The following JADE1 variants were observed in gnomAD, a reference collection of about 807,000 sequenced individuals.
JADE1 encodes jade family PHD finger 1.
Under a neutral mutation model 81.8 loss-of-function variants are expected in JADE1, and 14 were observed. The observed-to-expected ratio is 0.17, with a 90% CI of 0.11 to 0.27. The LOEUF (loss-of-function observed/expected upper bound fraction) is 0.27, where lower values mean the gene tolerates loss of function less well. JADE1 is among the 10% of genes least tolerant of loss of function. The pLI, the probability that JADE1 is intolerant of heterozygous loss-of-function variation, is 1.00. For synonymous variants in JADE1, 353 were observed against 391.9 expected, an observed-to-expected ratio of 0.90 and a Z score of 1.17; for missense variants, 690 against 1,047.9, an observed-to-expected ratio of 0.66 and a Z score of 4.71.
intron 2 of JADE1, 86 bp from the exon 3 acceptor site, chr4:128,842,867 G>T: frequency 8.8e-7 from 1 of 1,138,898 alleles, no homozygotes; most frequent in Non-Finnish European, 1.3e-6. Flanking sequence ...GTGAGCCTGG[G>T]ATGAGTTTGG....
chr4:128,850,561 C>T (rs1730266456), intron 5 of JADE1, among the ~76,000 whole-genome samples: 1 of 152,144 alleles, frequency 6.6e-6, no homozygotes, highest in African/African-American at 2.4e-5. Flanking sequence ...TCTTCTTGGT[C>T]CTGCTTTAGG....
In JADE1 at chr4:128,861,723, G is replaced by A. The variant is rs1282462259; in HGVS notation, c.1001G>A (p.Arg334His). 2 of 1,614,142 alleles carry A rather than the reference G, an allele frequency of 1.2e-6. No individual in the cohort carries two copies. Among genetic ancestry groups the A allele is most frequent in the South Asian group, 1.1e-5 (1 of 91,062 alleles). Residue 334 changes from arginine (R) to histidine (H), a missense_variant, in exon 9 of 11, where the codon CGC (arginine) becomes CAC (histidine). By Grantham distance (29) the Arg-to-His change is conservative. Around this residue, in one of 8 missense-constraint regions of JADE1, gnomAD observed 84 missense variants for 226.6 expected, o/e 0.37. Coordinates refer to ENST00000226319, the MANE Select transcript of JADE1 (RefSeq NM_199320.4). ...ASIQCSVKNC[R>H]TAFHVTCAFD... Reference sequence around the variant, plus strand: ...TGACAGTGCTCTGTGAAGAACTGCCGCACAGCCTTCCATGTGACCTGTGCT... The same window carrying A: ...TGACAGTGCTCTGTGAAGAACTGCCACACAGCCTTCCATGTGACCTGTGCT...
intron 5 of JADE1, among the ~76,000 whole-genome samples, chr4:128,849,522 C>G (rs1477453280): frequency 1.3e-5 from 2 of 152,198 alleles, no homozygotes; most frequent in Non-Finnish European, 2.9e-5. Flanking sequence ...TCCTGTGATG[C>G]CATTCGGATT....
chr4:128,855,858 G>A (rs1018891025), intron 7 of JADE1, 61 bp downstream of exon 7: 7 of 1,440,626 alleles, frequency 4.9e-6, no homozygotes, highest in East Asian at 2.4e-5. Context: ...TAACTCTGTC[G>A]CCCAGGCTGG....
At chr4:128,833,470 C>T (rs1728714685) in intron 2 of JADE1, among the ~76,000 whole-genome samples, 1 of 152,042 alleles carries the variant, frequency 6.6e-6, no homozygotes, top group Admixed American at 6.6e-5. Flanking sequence ...TTTGGGAGGC[C>T]GAGGTGGGTG....
chr4:128,813,023 T>C (rs1726621573), intron 1 of JADE1, among the ~76,000 whole-genome samples: 1 of 152,214 alleles, frequency 6.6e-6, no homozygotes, highest in Non-Finnish European at 1.5e-5. Flanking sequence ...GAAGGCTAGC[T>C]CTCTTGCTAC....
At position 128,809,758 on chromosome 4, in the gene JADE1, T is replaced by TGC. The variant is rs1427519675; in HGVS notation, c.-141_-140dup. 1.3e-5 allele frequency: 2 copies of TGC among 152,104 alleles called. No individual in the cohort carries two copies. The highest frequency in any genetic ancestry group is 4.8e-5 in the African/African-American group (2 of 41,408). 9.4% of individuals were successfully genotyped at this position (152,104 alleles called of 1,614,324 possible). A position where few individuals can be genotyped will look rare whatever the true frequency, so the allele number is the denominator to read the frequency against. ...CCTCCGTGCGCGAGTGCCCGGTGTG[T>TGC]GCGCGCCGGCGAGAGCAGGGGCCCG... On this transcript the variant is annotated 5_prime_UTR_variant, in exon 1 of 11. Coordinates refer to ENST00000226319, the MANE Select transcript of JADE1 (RefSeq NM_199320.4).
chr4:128,863,979 C>T, intron 9 of JADE1: 2 of 985,328 alleles, frequency 2.0e-6, no homozygotes, highest in African/African-American at 3.5e-5. Context: ...ACATGCACTT[C>T]TAATTCTAAA....
At position 128,871,002 on chromosome 4, in the gene JADE1, C is replaced by T. The variant is rs1732152656; in HGVS notation, c.1622-353C>T. 6.6e-6 allele frequency among the ~76,000 whole-genome samples: 1 copy of T among 152,142 alleles called. No individual in the cohort carries two copies. Among genetic ancestry groups the T allele is most frequent in the Non-Finnish European group, 1.5e-5 (1 of 68,038 alleles). ...GCGCGGCGCAGGTGCTGCTCTGTAA[C>T]CAGGTAGAGGGAGCAGAGGCAGCCA... is the stretch of plus-strand genomic sequence containing the variant. On this transcript the variant is annotated intron_variant, in intron 10 of 10. Coordinates refer to ENST00000226319, the MANE Select transcript of JADE1 (RefSeq NM_199320.4). This position sits in a 1 kb window ranked among gnomAD's most constrained non-coding sequence, Gnocchi z 4.1.
chr4:128,846,660 G>A lies in JADE1; in HGVS notation c.296+128G>A, dbSNP rs1729897322. 1.0e-6 allele frequency: 1 copy of A among 953,736 alleles called. No homozygotes were observed. The highest frequency in any genetic ancestry group is 1.5e-6 in the Non-Finnish European group (1 of 652,098). The allele number at this position is 953,736 out of a possible 1,614,324, so 59.1% of individuals were successfully genotyped here. The stretch of plus-strand genomic sequence containing the variant: ...CTGAGTTAGCATTAAAATATCATGA[G>A]GCCTCAAGTGGAAATAGAAATTCAG... On this transcript the variant is annotated intron_variant, in intron 4 of 10. Transcript: ENST00000226319. The surrounding 1 kb of genome is among the most constrained non-coding windows in gnomAD (Gnocchi z 4.0).
Position 128,861,754 on chromosome 4 carries a change from C to G in JADE1, c.1032C>G (p.Asp344Glu). ...CCTTCCATGTGACCTGTGCTTTTGA[C>G]CGGGGCCTGGAGATGAAGACCATCT... ...RTAFHVTCAF[D>E]RGLEMKTILA... Residue 344 changes from aspartate (D) to glutamate (E), a missense_variant, in exon 9 of 11, where the codon GAC becomes GAG. Physicochemically the swap from Asp to Glu is conservative, Grantham distance 45. This residue lies in a region of JADE1 where 77 missense variants were observed against 76.4 expected (regional missense o/e 1.01). Transcript: ENST00000226319. 1 of 1,614,158 alleles carries G rather than the reference C, an allele frequency of 6.2e-7. No individual in the cohort carries two copies. The highest frequency in any genetic ancestry group is 1.1e-5 in the South Asian group (1 of 91,078).
chr4:128,831,871 T>C (rs1272878936), intron 2 of JADE1, 61 bp downstream of exon 2: 2 of 1,423,096 alleles, frequency 1.4e-6, no homozygotes, highest in African/African-American at 2.8e-5. Context: ...AAAAACATGA[T>C]TTTTTAATGT....
In JADE1 at chr4:128,872,046, C is replaced by T. The variant is rs143372637; in HGVS notation, c.2313C>T (p.His771=). Residue 771 remains histidine, a synonymous_variant, in exon 11 of 11, where the codon CAC becomes CAT. Coordinates refer to ENST00000226319, the MANE Select transcript of JADE1 (RefSeq NM_199320.4). The part of the protein sequence containing the change: ...QQGEAHDGAC[H]QHSDYPYLGL... ...GAGAGGCCCACGATGGGGCCTGCCA[C>T]CAGCACTCAGACTACCCATATTTGG... 2 of 1,614,014 alleles carry T rather than the reference C, an allele frequency of 1.2e-6. No homozygotes were observed. Among genetic ancestry groups the T allele is most frequent in the Non-Finnish European group, 1.7e-6 (2 of 1,179,982 alleles).
intron 1 of JADE1, among the ~76,000 whole-genome samples, chr4:128,825,754 A>G (rs1422354719): frequency 6.6e-6 from 1 of 152,198 alleles, no homozygotes; most frequent in South Asian, 2.1e-4. Context: ...TCAAATTATT[A>G]TGTTAGCTAA....
In JADE1 at chr4:128,862,077, A is replaced by G. The variant is rs137946904; in HGVS notation, c.1355A>G (p.Gln452Arg). 1 of 1,614,164 alleles carries G rather than the reference A, an allele frequency of 6.2e-7. No individual in the cohort carries two copies. Among genetic ancestry groups the G allele is most frequent in the South Asian group, 1.1e-5 (1 of 91,086 alleles). The change falls in exon 9 of 11, where the codon CAG (glutamine) becomes CGG (arginine). Residue 452 changes from glutamine to arginine, a missense_variant. Transcript: ENST00000226319. ...GAGGAAGTAGTGGATTTCCTGTACCAGTACTGGAAGTTGAAGAGGAAGGTC... is the reference window on the plus strand; with the variant it reads ...GAGGAAGTAGTGGATTTCCTGTACCGGTACTGGAAGTTGAAGAGGAAGGTC... ...LPEEVVDFLY[Q>R]YWKLKRKVNF...
In JADE1 at chr4:128,867,934, A is replaced by C; in HGVS notation, c.1582A>C (p.Asn528His). The C allele has an allele frequency of 6.2e-7, 1 of 1,613,688 alleles. No individual in the cohort carries two copies. Among genetic ancestry groups the C allele is most frequent in the Non-Finnish European group, 8.5e-7 (1 of 1,179,618 alleles). The change falls in exon 10 of 11, where the codon AAT (asparagine) becomes CAT (histidine). Residue 528 changes from asparagine to histidine, a missense_variant. Physicochemically the swap from Asn to His is moderately conservative, Grantham distance 68 (BLOSUM62 1). Around this residue, in one of 8 missense-constraint regions of JADE1, gnomAD observed 86 missense variants for 95.4 expected, o/e 0.90. Transcript: ENST00000226319. The stretch of plus-strand genomic sequence containing the variant: ...GTGCAAAGTCCAGGAACAGATATTC[A>C]ATCTTTACACTAAGCTTTTGGAGCA... The part of the protein sequence containing the change: ...SVCKVQEQIF[N>H]LYTKLLEQER...
At chr4:128,836,506 G>A (rs995605023) in intron 2 of JADE1, among the ~76,000 whole-genome samples, 9 of 152,008 alleles carry the variant, frequency 5.9e-5, no homozygotes, top group African/African-American at 2.2e-4. Flanking sequence ...GGAAGAGAAG[G>A]CGTGGGTCTT....
At chr4:128,827,641 T>C (rs532883029) in intron 1 of JADE1, among the ~76,000 whole-genome samples, 5 of 152,340 alleles carry the variant, frequency 3.3e-5, no homozygotes, top group Non-Finnish European at 5.9e-5. Flanking sequence ...GGGAGAGATC[T>C]GCATATAGTA....
chr4:128,834,982 T>C (rs62317922), intron 2 of JADE1, among the ~76,000 whole-genome samples: 2 of 146,464 alleles, frequency 1.4e-5, no homozygotes, highest in Non-Finnish European at 3.0e-5. Context: ...CCCATCTCTA[T>C]TTTAAAAAAA....
Sources: allele counts gnomAD v4.1 joint callset (sites outside exome capture counted in the v4.1 genomes callset), GRCh38; gene constraint gnomAD v4.1.1; regional missense constraint gnomAD v4.1.1; non-coding constraint Gnocchi (gnomAD v3.1); transcripts MANE v1.5; gene names NCBI Gene and HGNC (gene_info 2026-07-23, HGNC 2026-07-21).